Variants in TOX observed in about 807,000 individuals in gnomAD.
TOX encodes thymocyte selection-associated high mobility group box protein TOX.
Under a neutral mutation model 53.7 loss-of-function variants are expected in TOX, and 11 were observed. The ratio of observed to expected loss-of-function variants is 0.20; its 90% CI spans 0.13 to 0.34. The LOEUF is 0.34. Ranked by LOEUF, TOX falls within the 10% of genes least tolerant of loss-of-function variation. The probability of loss-of-function intolerance (pLI) is 1.00; values close to 1 mark genes in which losing one functional copy is unlikely to be tolerated. For synonymous variants in TOX, 225 were observed against 245.3 expected, an observed-to-expected ratio of 0.92 and a Z score of 0.77; for missense variants, 570 against 664.6, an observed-to-expected ratio of 0.86 and a Z score of 1.56.
At chr8:59,041,339 C>T (rs778734612) in intron 1 of TOX, among the ~76,000 whole-genome samples, 4 of 152,086 alleles carry the variant, frequency 2.6e-5, no homozygotes, top group Admixed American at 1.3e-4. Context: ...CACTCAGGGG[C>T]ATCAGTGTCC....
chr8:58,942,421 T>C (rs1812458255), intron 2 of TOX, among the ~76,000 whole-genome samples: 1 of 152,188 alleles, frequency 6.6e-6, no homozygotes, highest in African/African-American at 2.4e-5. Context: ...AATAGCTAGT[T>C]ATGTGGATCA....
At chr8:59,002,086 T>G (rs2129418172) in intron 1 of TOX, among the ~76,000 whole-genome samples, 1 of 150,234 alleles carries the variant, frequency 6.7e-6, no homozygotes, top group East Asian at 2.0e-4. Flanking sequence ...GTAATTATCC[T>G]GCTGTCAGCC....
In TOX at chr8:58,810,995, T is replaced by C. The variant is rs543806050; in HGVS notation, c.1393-2726A>G. ...AGCTACAAAGTTCAAAGATTTAAACTTCAGCTAACTTCAATGTCTATTTTA... is the reference window on the plus strand; with the variant it reads ...AGCTACAAAGTTCAAAGATTTAAACCTCAGCTAACTTCAATGTCTATTTTA... On this transcript the variant is annotated intron_variant, in intron 7 of 8. Transcript: ENST00000361421. Among the ~76,000 whole-genome samples, 171 of 152,338 alleles carry C rather than the reference T, an allele frequency of 1.1e-3. 1 individual carries two copies. The highest frequency in any genetic ancestry group is 4.0e-3 in the African/African-American group (168 of 41,570).
At chr8:59,000,353 C>A (rs977644381) in intron 1 of TOX, among the ~76,000 whole-genome samples, 1 of 152,088 alleles carries the variant, frequency 6.6e-6, no homozygotes, top group African/African-American at 2.4e-5. Context: ...ATAGTGAAGA[C>A]ACTATGGGAA....
intron 3 of TOX, among the ~76,000 whole-genome samples, chr8:58,886,523 A>C (rs1811470937): frequency 6.6e-6 from 1 of 152,086 alleles, no homozygotes; most frequent in African/African-American, 2.4e-5. Flanking sequence ...AATGGCAAAG[A>C]GATTACAGAT....
chr8:59,007,076 C>T (rs972096958), intron 1 of TOX, among the ~76,000 whole-genome samples: 8 of 152,186 alleles, frequency 5.3e-5, no homozygotes, highest in Admixed American at 2.6e-4. Context: ...CTAGAAGTTC[C>T]TTGGCATATC....
At chr8:58,920,737 G>GAAAAAAAAAAAAAAAAA (rs1397497086) in intron 3 of TOX, among the ~76,000 whole-genome samples, 4 of 47,698 alleles carry the variant, frequency 8.4e-5, no homozygotes, top group Non-Finnish European at 1.3e-4. Flanking sequence ...AAAAAAAAAA[G>GAAAAAAAAAAAAAAAAA]AAAAAAAAGA....
chr8:59,069,238 T>C (rs1043323274), intron 1 of TOX, among the ~76,000 whole-genome samples: 2 of 151,726 alleles, frequency 1.3e-5, no homozygotes, highest in Non-Finnish European at 2.9e-5. Context: ...AGTAGAGAGG[T>C]GGTTGGCAGT....
chr8:58,967,259 G>A (rs1399645481), intron 1 of TOX, among the ~76,000 whole-genome samples: 2 of 152,136 alleles, frequency 1.3e-5, no homozygotes, highest in Non-Finnish European at 2.9e-5. Flanking sequence ...AAACCAGTTT[G>A]AACTTCTTCC....
At chr8:58,939,874 AG>A (rs1289240146) in intron 2 of TOX, among the ~76,000 whole-genome samples, 6 of 152,220 alleles carry the variant, frequency 3.9e-5, no homozygotes, top group African/African-American at 1.4e-4. Context: ...ATTGTACGGA[AG>A]GAAGGCAATT....
intron 1 of TOX, among the ~76,000 whole-genome samples, chr8:58,966,967 C>A (rs1361515940): frequency 6.6e-6 from 1 of 151,462 alleles, no homozygotes; most frequent in East Asian, 2.0e-4. Flanking sequence ...CTCTGCCTCC[C>A]GGGTTCATGC....
At chr8:58,858,173 G>GA (rs892078601) in intron 3 of TOX, among the ~76,000 whole-genome samples, 26 of 151,342 alleles carry the variant, frequency 1.7e-4, no homozygotes, top group East Asian at 7.7e-4. Flanking sequence ...CTGGAATGGT[G>GA]AAAAAAAAAT....
intron 5 of TOX, among the ~76,000 whole-genome samples, chr8:58,837,113 A>G (rs1810559689): frequency 6.6e-6 from 1 of 152,186 alleles, no homozygotes; most frequent in African/African-American, 2.4e-5. Context: ...ATCCTTCTAG[A>G]TGCATAAATA....
At chr8:58,841,704 T>C (rs1482178916) in intron 4 of TOX, among the ~76,000 whole-genome samples, 1 of 152,246 alleles carries the variant, frequency 6.6e-6, no homozygotes, top group Non-Finnish European at 1.5e-5. Flanking sequence ...GATAGGTTAA[T>C]TAGTTTATTG....
intron 3 of TOX, among the ~76,000 whole-genome samples, chr8:58,924,426 A>G (rs1048437291): frequency 1.3e-5 from 2 of 152,270 alleles, no homozygotes; most frequent in Non-Finnish European, 2.9e-5. Context: ...CTCAAAGCCA[A>G]GAACCCATAA....
chr8:58,840,294 T>A (rs1258769057), intron 4 of TOX, among the ~76,000 whole-genome samples: 1 of 152,210 alleles, frequency 6.6e-6, no homozygotes, highest in Non-Finnish European at 1.5e-5. Context: ...GTGAACCAAG[T>A]TGACAAGCTA....
chr8:58,905,230 C>T (rs1811793729), intron 3 of TOX, among the ~76,000 whole-genome samples: 2 of 152,144 alleles, frequency 1.3e-5, no homozygotes, highest in Admixed American at 1.3e-4. Flanking sequence ...CGTGCCTGGC[C>T]CAACATATCT....
At chr8:58,889,764 C>T (rs1811530183) in intron 3 of TOX, among the ~76,000 whole-genome samples, 2 of 152,050 alleles carry the variant, frequency 1.3e-5, no homozygotes, top group South Asian at 4.1e-4. Context: ...TTTGTCACAA[C>T]AAAATTTCAA....
At chr8:59,082,589 T>A (rs1205727217) in intron 1 of TOX, among the ~76,000 whole-genome samples, 1 of 152,216 alleles carries the variant, frequency 6.6e-6, no homozygotes, top group Non-Finnish European at 1.5e-5. Context: ...ATAATGCTGG[T>A]TGATGAGGGG....
Sources: gnomAD v4.1 joint callset for allele counts (sites outside exome capture counted in the v4.1 genomes callset) on GRCh38, gnomAD v4.1.1 for gene constraint, MANE v1.5 for transcripts, NCBI Gene and HGNC (gene_info 2026-07-23, HGNC 2026-07-21) for gene names.